The following ZNF236 variants were observed in gnomAD, a reference collection of about 807,000 sequenced individuals.
ZNF236 encodes the protein regulated by glucose.
ZNF236 carries 50 observed loss-of-function variants against 191.2 expected under a neutral mutation model. The observed-to-expected ratio is 0.26, with a 90% CI of 0.21 to 0.33. The LOEUF is 0.33. Ranked by LOEUF, ZNF236 falls within the 10% of genes least tolerant of loss-of-function variation. The probability of loss-of-function intolerance (pLI) is 1.00; values close to 1 mark genes in which losing one functional copy is unlikely to be tolerated. For synonymous variants in ZNF236, 907 were observed against 928.8 expected (o/e 0.98, Z 0.43); for missense variants, 1,754 against 2,374.5 (o/e 0.74, Z 5.43).
chr18:76,851,914 A>T lies in ZNF236; in HGVS notation c.338A>T (p.His113Leu). 1 of 1,611,276 alleles carries T rather than the reference A, an allele frequency of 6.2e-7. No individual in the cohort carries two copies. Among genetic ancestry groups the T allele is most frequent in the South Asian group, 1.1e-5 (1 of 90,044 alleles). Residue 113 changes from histidine (H) to leucine (L), a missense_variant, in exon 3 of 31, where the codon CAT becomes CTT. By Grantham distance (99) the His-to-Leu change is moderately conservative. Around this residue, in one of 5 missense-constraint regions of ZNF236, gnomAD observed 336 missense variants for 495.1 expected, o/e 0.68. Coordinates refer to ENST00000320610, the MANE Select transcript of ZNF236 (RefSeq NM_001306089.2). ...KFSRVASLKAHIMLHEKEENL... is the reference protein window; with the variant it reads ...KFSRVASLKALIMLHEKEENL... The stretch of plus-strand genomic sequence containing the variant: ...TCCAGAGTGGCTAGTCTCAAAGCGC[A>T]TATTATGCTACATGAAAAGGAAGAG...
chr18:76,824,101 ACTG>A lies in ZNF236; in HGVS notation c.55+1440_55+1442del, dbSNP rs146838454. On this transcript the variant is annotated intron_variant, in intron 1 of 30. Coordinates refer to ENST00000320610, the MANE Select transcript of ZNF236 (RefSeq NM_001306089.2). ...TTCCCCTTTTCTTGGGGATGAGTAAACTGAGGCTCATTAAAGAGCTTGTGACCA... is the reference window on the plus strand; with the variant it reads ...TTCCCCTTTTCTTGGGGATGAGTAAAAGGCTCATTAAAGAGCTTGTGACCA... 839 of 558,760 alleles carry A rather than the reference ACTG, an allele frequency of 1.5e-3. 9 individuals carry two copies. Among genetic ancestry groups the A allele is most frequent in the African/African-American group, 0.013 (717 of 53,324 alleles). The allele number at this position is 558,760 out of a possible 1,614,324, so 34.6% of individuals were successfully genotyped here.
chr18:76,939,064 G>A (rs913294857), intron 26 of ZNF236, among the ~76,000 whole-genome samples: 1 of 152,156 alleles, frequency 6.6e-6, no homozygotes, highest in African/African-American at 2.4e-5. Flanking sequence ...GACTGGCTGG[G>A]CGTGGTGGCT....
Position 76,932,784 on chromosome 18 carries a change from C to T in ZNF236, c.4595-4372C>T, listed in dbSNP as rs9636014. ...CAGTTTGAGTGGAGTGGTGTTTGTGCCTCTTGGTGATCCTGGATGTTTGTA... is the reference window on the plus strand; with the variant it reads ...CAGTTTGAGTGGAGTGGTGTTTGTGTCTCTTGGTGATCCTGGATGTTTGTA... On this transcript the variant is annotated intron_variant, in intron 25 of 30. Transcript: ENST00000320610. Among the ~76,000 whole-genome samples the T allele has an allele frequency of 0.026, 4,004 of 152,208 alleles. 318 individuals are homozygous for T. The East Asian group carries it at 0.27, about 10-fold the overall frequency.
At position 76,919,775 on chromosome 18, in the gene ZNF236, G is replaced by A; in HGVS notation, c.3275-1G>A. 6.2e-7 allele frequency: 1 copy of A among 1,610,886 alleles called. No individual in the cohort carries two copies. Among genetic ancestry groups the A allele is most frequent in the Non-Finnish European group, 8.5e-7 (1 of 1,177,258 alleles). ...GATCCCTTTTCCTTGATTTTGTGTA[G>A]ACATTTGTATGGAGGAAGAGGAAGA... On this transcript the variant is annotated splice_acceptor_variant, in intron 19 of 30. Coordinates refer to ENST00000320610, the MANE Select transcript of ZNF236 (RefSeq NM_001306089.2). LOFTEE classifies it high-confidence loss of function. This position sits in a 1 kb window ranked among gnomAD's most constrained non-coding sequence, Gnocchi z 5.3.
intron 17 of ZNF236, 49 bp downstream of exon 17, chr18:76,912,396 G>A (rs375536321): frequency 5.0e-4 from 705 of 1,411,956 alleles, no homozygotes; most frequent in East Asian, 7.1e-4. Flanking sequence ...TCCCAGGAAC[G>A]GATGCTGCTG....
chr18:76,896,067 CCAAA>C (rs1481110645), intron 10 of ZNF236, among the ~76,000 whole-genome samples: 1 of 151,316 alleles, frequency 6.6e-6, no homozygotes, highest in Non-Finnish European at 1.5e-5. Context: ...AAGCACAGTA[CCAAA>C]CACAGTACTA....
rs1424512769 is a variant in ZNF236, at chr18:76,875,643, C to T, written c.819C>T (p.His273=). 26 of 1,593,020 alleles carry T rather than the reference C, an allele frequency of 1.6e-5. No individual in the cohort carries two copies. The highest frequency in any genetic ancestry group is 2.7e-5 in the African/African-American group (2 of 74,516). Residue 273 remains histidine, a synonymous_variant, in exon 6 of 31, where the codon CAC becomes CAT. Transcript: ENST00000320610. The surrounding 1 kb of genome is among the most constrained non-coding windows in gnomAD (Gnocchi z 4.3). ...AFSQKGNLQS[H]VQRVHSEVKN... ...CTCAGAAAGGGAATCTTCAGTCGCA[C>T]GTGCAGCGAGTCCACTCAGAGGTAA... is the stretch of plus-strand genomic sequence containing the variant.
Position 76,941,271 on chromosome 18 carries a change from C to T in ZNF236, c.4782+3928C>T, listed in dbSNP as rs900137076. 3.0e-4 allele frequency among the ~76,000 whole-genome samples: 45 copies of T among 152,286 alleles called. 1 individual carries two copies. The highest frequency in any genetic ancestry group is 5.3e-4 in the Non-Finnish European group (36 of 68,014). Reference sequence around the variant, plus strand: ...GATGCGCTGTGGCCCATTTCGGGGCCTGCTGTCCTCACCAGCTGGCAGCTC... The same window carrying T: ...GATGCGCTGTGGCCCATTTCGGGGCTTGCTGTCCTCACCAGCTGGCAGCTC... On this transcript the variant is annotated intron_variant, in intron 26 of 30. Coordinates refer to ENST00000320610, the MANE Select transcript of ZNF236 (RefSeq NM_001306089.2).
intron 20 of ZNF236, among the ~76,000 whole-genome samples, chr18:76,922,145 T>G (rs1967553567): frequency 6.6e-6 from 1 of 152,226 alleles, no homozygotes. Context: ...AGGGTTCTGT[T>G]GCATGGGGAT....
At chr18:76,841,018 A>ACCTC (rs1439181202) in intron 1 of ZNF236, 2 of 152,224 alleles carry the variant, frequency 1.3e-5, no homozygotes, top group East Asian at 3.9e-4. Context: ...ACCTCACTGC[A>ACCTC]ACCTCCACCT....
chr18:76,870,390 C>T (rs1156321005), intron 4 of ZNF236, among the ~76,000 whole-genome samples: 1 of 152,142 alleles, frequency 6.6e-6, no homozygotes, highest in East Asian at 1.9e-4. Context: ...TTAATGCAGG[C>T]ATTTTTGATG....
chr18:76,915,676 A>G lies in ZNF236; in HGVS notation c.3091A>G (p.Asn1031Asp). Reference protein sequence around the residue: ...GVKAFSCSVCNASFTTNGSLT... With the variant: ...GVKAFSCSVCDASFTTNGSLT... ...GAAGGCGTTCAGCTGCAGTGTGTGC[A>G]ATGCTTCCTTCACCACCAATGGCAG... is the stretch of plus-strand genomic sequence containing the variant. The change falls in exon 19 of 31, where the codon AAT (asparagine) becomes GAT (aspartate). Residue 1031 changes from asparagine (N) to aspartate (D), a missense_variant. Physicochemically the swap from Asn to Asp is conservative, Grantham distance 23. Around this residue, in one of 5 missense-constraint regions of ZNF236, gnomAD observed 641 missense variants for 869.6 expected, o/e 0.74. Transcript: ENST00000320610. The G allele has an allele frequency of 6.2e-7, 1 of 1,614,114 alleles. No individual in the cohort carries two copies. Among genetic ancestry groups the G allele is most frequent in the Non-Finnish European group, 8.5e-7 (1 of 1,180,042 alleles).
Position 76,956,040 on chromosome 18 carries a change from G to C in ZNF236, c.4970G>C (p.Arg1657Pro), listed in dbSNP as rs766225440. 1 of 1,610,000 alleles carries C rather than the reference G, an allele frequency of 6.2e-7. No individual in the cohort carries two copies. The highest frequency in any genetic ancestry group is 1.7e-5 in the Admixed American group (1 of 59,800). ...GGCAACCAGCCAGAGAAGGAGGGCCGGGCGCACCAGTGCCTGGAGTGTGAC... is the reference window on the plus strand; with the variant it reads ...GGCAACCAGCCAGAGAAGGAGGGCCCGGCGCACCAGTGCCTGGAGTGTGAC... Reference protein sequence around the residue: ...APGNQPEKEGRAHQCLECDRA... With the variant: ...APGNQPEKEGPAHQCLECDRA... Residue 1657 changes from arginine (R) to proline (P), a missense_variant, in exon 28 of 31, where the codon CGG (arginine) becomes CCG (proline). Physicochemically the swap from Arg to Pro is moderately radical, Grantham distance 103. Coordinates refer to ENST00000320610, the MANE Select transcript of ZNF236 (RefSeq NM_001306089.2).
chr18:76,969,750 G>C lies in ZNF236; in HGVS notation c.*1411G>C, dbSNP rs1312419785. On this transcript the variant is annotated 3_prime_UTR_variant, in exon 31 of 31. Transcript: ENST00000320610. ...GAGGAGCTCATTTCAGATTCCTAAAGAAATAGACATTTTACTGTTATTTTG... is the reference window on the plus strand; with the variant it reads ...GAGGAGCTCATTTCAGATTCCTAAACAAATAGACATTTTACTGTTATTTTG... The C allele has an allele frequency of 2.0e-5, 3 of 152,442 alleles. No homozygotes were observed. The East Asian group carries it at 5.8e-4, about 29-fold the overall frequency. 9.4% of individuals were successfully genotyped at this position (152,442 alleles called of 1,614,324 possible).
intron 1 of ZNF236, among the ~76,000 whole-genome samples, chr18:76,828,232 T>G (rs113561343): frequency 6.2e-4 from 94 of 151,952 alleles, no homozygotes; most frequent in Admixed American, 1.2e-3. Context: ...AGTGGCATGA[T>G]CTTGGCTCAC....
In ZNF236 at chr18:76,875,653, G is replaced by A; in HGVS notation, c.829G>A (p.Val277Ile). Residue 277 changes from valine (V) to isoleucine (I), a missense_variant, in exon 6 of 31, where the codon GTC becomes ATC. Transcript: ENST00000320610. This position sits in a 1 kb window ranked among gnomAD's most constrained non-coding sequence, Gnocchi z 4.3. ...KGNLQSHVQR[V>I]HSEVKNGPTY... ...GAATCTTCAGTCGCACGTGCAGCGA[G>A]TCCACTCAGAGGTAAACACGGGTTG... The A allele has an allele frequency of 6.3e-7, 1 of 1,587,408 alleles. No homozygotes were observed. Among genetic ancestry groups the A allele is most frequent in the East Asian group, 2.3e-5 (1 of 43,696 alleles).
At chr18:76,884,154 C>G (rs966642966) in intron 9 of ZNF236, among the ~76,000 whole-genome samples, 1 of 152,090 alleles carries the variant, frequency 6.6e-6, no homozygotes, top group African/African-American at 2.4e-5. Flanking sequence ...GTAATCCCAG[C>G]ACTTTGGGAG....
chr18:76,868,433 T>G (rs1356630923), intron 3 of ZNF236, among the ~76,000 whole-genome samples: 6 of 152,216 alleles, frequency 3.9e-5, no homozygotes, highest in Non-Finnish European at 7.3e-5. Context: ...TCAAAAATTG[T>G]GTCAATCTCT....
chr18:76,873,785 C>T (rs757608884), intron 5 of ZNF236, among the ~76,000 whole-genome samples: 17 of 152,128 alleles, frequency 1.1e-4, no homozygotes, highest in Admixed American at 2.0e-4. Flanking sequence ...CGCCGTGCCT[C>T]CTGCCTGCCT....
Sources: gnomAD v4.1 joint callset for allele counts (sites outside exome capture counted in the v4.1 genomes callset) on GRCh38, gnomAD v4.1.1 for gene constraint, gnomAD v4.1.1 regional missense constraint, Gnocchi (gnomAD v3.1) non-coding constraint, MANE v1.5 for transcripts, NCBI Gene and HGNC (gene_info 2026-07-23, HGNC 2026-07-21) for gene names.